TENT4A: variants seen among roughly 807,000 people sequenced by gnomAD.
The protein encoded by TENT4A is terminal nucleotidyltransferase 4A, also known as DNA polymerase kappa.
In TENT4A, 7 loss-of-function variants were observed where a neutral mutation model predicts 72.8. The observed-to-expected ratio is 0.10, with a 90% confidence interval of 0.05 to 0.18. The LOEUF (loss-of-function observed/expected upper bound fraction) is 0.18, where lower values mean the gene tolerates loss of function less well. TENT4A is among the 10% of genes least tolerant of loss of function. The pLI, the probability that TENT4A is intolerant of heterozygous loss-of-function variation, is 1.00. For missense variants in TENT4A, 831 were observed against 1,017.7 expected, an observed-to-expected ratio of 0.82 and a Z score of 2.50; for synonymous variants, 456 against 434.3, an observed-to-expected ratio of 1.05 and a Z score of -0.62.
chr5:6,726,434 G>GC (rs1259193770), intron 1 of TENT4A, among the ~76,000 whole-genome samples: 1 of 152,102 alleles, frequency 6.6e-6, no homozygotes, highest in African/African-American at 2.4e-5. Context: ...TTGAGGCGAC[G>GC]CCCCCTGCGT....
rs547138252 is a variant in TENT4A, at chr5:6,717,705, C to G, written c.716+3006C>G. Among the ~76,000 whole-genome samples the G allele has an allele frequency of 6.6e-5, 10 of 152,306 alleles. No homozygotes were observed. The East Asian group carries it at 1.9e-3, about 29-fold the overall frequency. On this transcript the variant is annotated intron_variant, in intron 1 of 12. Transcript: ENST00000230859. ...GCTTAGCGTGAGCTGTGCTATCTACCTGGGCTTCTGACCTAGAGATGTTGG... is the reference window on the plus strand; with the variant it reads ...GCTTAGCGTGAGCTGTGCTATCTACGTGGGCTTCTGACCTAGAGATGTTGG...
intron 1 of TENT4A, among the ~76,000 whole-genome samples, chr5:6,721,653 C>G (rs1195312585): frequency 2.0e-5 from 3 of 152,178 alleles, no homozygotes; most frequent in African/African-American, 4.8e-5. Context: ...TGGGCCACAT[C>G]TGGGCCCGGG....
chr5:6,747,162 G>C (rs964638211), intron 7 of TENT4A, among the ~76,000 whole-genome samples: 1 of 152,202 alleles, frequency 6.6e-6, no homozygotes, highest in African/African-American at 2.4e-5. Context: ...GCGTCTGTTA[G>C]GTGAGATACC....
intron 1 of TENT4A, among the ~76,000 whole-genome samples, chr5:6,725,627 C>T (rs1343135151): frequency 1.3e-5 from 2 of 152,186 alleles, no homozygotes; most frequent in African/African-American, 2.4e-5. Flanking sequence ...TCTAAGAGTG[C>T]TTCGTGCTAA....
chr5:6,726,157 C>T (rs1740909032), intron 1 of TENT4A, among the ~76,000 whole-genome samples: 2 of 152,180 alleles, frequency 1.3e-5, no homozygotes, highest in Non-Finnish European at 2.9e-5. Context: ...GAGGGCCAGG[C>T]CCTGTGCTAA....
rs373115695 is a variant in TENT4A at position 6,750,500 on chromosome 5, C to A, written c.1857C>A (p.Asp619Glu). 1.3e-6 allele frequency: 2 copies of A among 1,590,512 alleles called. No individual in the cohort carries two copies. The highest frequency in any genetic ancestry group is 3.6e-5 in the Admixed American group (2 of 55,920). Residue 619 changes from aspartate to glutamate, a missense_variant, in exon 10 of 13, where the codon GAC (aspartate) becomes GAA (glutamate). Around this residue, in one of 3 missense-constraint regions of TENT4A, gnomAD observed 332 missense variants for 324.3 expected, o/e 1.02. Coordinates refer to ENST00000230859, the MANE Select transcript of TENT4A (RefSeq NM_006999.6). Reference sequence around the variant, plus strand: ...CTGTGTCTTCACTTTCTGGGAGTGACGTTGTAAGTGCCCTCCCCTCCTCCG... The same window carrying A: ...CTGTGTCTTCACTTTCTGGGAGTGAAGTTGTAAGTGCCCTCCCCTCCTCCG... Reference protein sequence around the residue: ...ASSVSSLSGSDVDSDTPPCTT... With the variant: ...ASSVSSLSGSEVDSDTPPCTT...
chr5:6,719,923 G>A (rs1228301688), intron 1 of TENT4A, among the ~76,000 whole-genome samples: 1 of 152,180 alleles, frequency 6.6e-6, no homozygotes, highest in Non-Finnish European at 1.5e-5. Context: ...GCTTTTGCAA[G>A]GCTGAAGTCA....
At chr5:6,742,190 G>A (rs981349371) in intron 4 of TENT4A, among the ~76,000 whole-genome samples, 6 of 152,196 alleles carry the variant, frequency 3.9e-5, no homozygotes, top group Non-Finnish European at 5.9e-5. Context: ...TAGGGTGGGC[G>A]TGGCAGAGAC....
At chr5:6,728,395 A>C (rs1311382470) in intron 1 of TENT4A, among the ~76,000 whole-genome samples, 1 of 152,218 alleles carries the variant, frequency 6.6e-6, no homozygotes, top group Non-Finnish European at 1.5e-5. Flanking sequence ...AGCTGGCATG[A>C]TGGAGAGAGC....
intron 1 of TENT4A, among the ~76,000 whole-genome samples, chr5:6,722,547 G>GTTTTTTTTTTTTTTTTT (rs55840324): frequency 1.6e-5 from 2 of 123,268 alleles, no homozygotes; most frequent in Non-Finnish European, 1.6e-5. Flanking sequence ...GCATTTGTTA[G>GTTTTTTTTTTTTTTTTT]TTTTTTTTTT....
rs116656921 is a variant in TENT4A at position 6,721,664 on chromosome 5, C to T, written c.716+6965C>T. Among the ~76,000 whole-genome samples the T allele has an allele frequency of 1.0e-2, 1,520 of 152,158 alleles. 24 individuals are homozygous for T. The highest frequency in any genetic ancestry group is 0.034 in the African/African-American group (1,426 of 41,478). On this transcript the variant is annotated intron_variant, in intron 1 of 12. Coordinates refer to ENST00000230859, the MANE Select transcript of TENT4A (RefSeq NM_006999.6). ...GGGGTGGGCCACATCTGGGCCCGGG[C>T]GGGGTGGATCTCTGCAGAAGTTTAT... is the stretch of plus-strand genomic sequence containing the variant.
Position 6,750,511 on chromosome 5 carries a change from C to A in TENT4A, c.1860+8C>A. 1.9e-6 allele frequency: 3 copies of A among 1,578,150 alleles called. No individual in the cohort carries two copies. The highest frequency in any genetic ancestry group is 2.3e-5 in the South Asian group (2 of 86,960). On this transcript the variant is annotated splice_region_variant and intron_variant, in intron 10 of 12. Transcript: ENST00000230859. The stretch of plus-strand genomic sequence containing the variant: ...CTTTCTGGGAGTGACGTTGTAAGTG[C>A]CCTCCCCTCCTCCGTGTGTCTGTTG...
At chr5:6,719,993 G>C (rs1205133617) in intron 1 of TENT4A, among the ~76,000 whole-genome samples, 1 of 152,162 alleles carries the variant, frequency 6.6e-6, no homozygotes, top group Admixed American at 6.5e-5. Flanking sequence ...GCACATTCCT[G>C]TTATTGTCAG....
rs1380302893 is a variant in TENT4A, at chr5:6,756,548, G to C, written c.*1603G>C. On this transcript the variant is annotated 3_prime_UTR_variant, in exon 13 of 13. Transcript: ENST00000230859. ...TCTGCGGTCTGCCCTTTTGAAGCAG[G>C]ACTGGCTCACTCTGTCATTGGGAGC... 6.6e-6 allele frequency: 1 copy of C among 152,402 alleles called. No homozygotes were observed. The highest frequency in any genetic ancestry group is 1.5e-5 in the Non-Finnish European group (1 of 68,054). 9.4% of individuals were successfully genotyped at this position (152,402 alleles called of 1,614,324 possible). A position where few individuals can be genotyped will look rare whatever the true frequency, so the allele number is the denominator to read the frequency against.
At chr5:6,727,606 C>T (rs903637249) in intron 1 of TENT4A, among the ~76,000 whole-genome samples, 3 of 152,210 alleles carry the variant, frequency 2.0e-5, no homozygotes, top group Non-Finnish European at 4.4e-5. Context: ...GTCCCCTTGT[C>T]TTTCCGTAAC....
At chr5:6,752,849 G>A in intron 11 of TENT4A, 24 bp from the exon 12 acceptor site, 2 of 1,604,206 alleles carry the variant, frequency 1.2e-6, no homozygotes, top group Non-Finnish European at 1.7e-6. Context: ...TGGTACCCAT[G>A]GCCGTCTCTC....
In TENT4A at chr5:6,714,660, C is replaced by A. The variant is rs1470569126; in HGVS notation, c.677C>A (p.Thr226Asn). The A allele has an allele frequency of 7.5e-6, 9 of 1,198,658 alleles. No homozygotes were observed. Among genetic ancestry groups the A allele is most frequent in the Non-Finnish European group, 9.3e-6 (9 of 966,636 alleles). The allele number at this position is 1,198,658 out of a possible 1,614,324, so 74.3% of individuals were successfully genotyped here. A position where few individuals can be genotyped will look rare whatever the true frequency, so the allele number is the denominator to read the frequency against. The stretch of plus-strand genomic sequence containing the variant: ...GGGGCCCAGGCGCCGCGGCCCGGCA[C>A]CCCGTGGAAGAGCCGCGCGTACAGC... ...GPGAQAPRPGTPWKSRAYSPG... is the reference protein window; with the variant it reads ...GPGAQAPRPGNPWKSRAYSPG... Residue 226 changes from threonine to asparagine, a missense_variant, in exon 1 of 13, where the codon ACC (threonine) becomes AAC (asparagine). Thr to Asn is a moderately conservative substitution (Grantham distance 65, BLOSUM62 0). Around this residue, in one of 3 missense-constraint regions of TENT4A, gnomAD observed 302 missense variants for 293.8 expected, o/e 1.03. Transcript: ENST00000230859.
chr5:6,722,787 T>G (rs181309253), intron 1 of TENT4A, among the ~76,000 whole-genome samples: 1 of 152,160 alleles, frequency 6.6e-6, no homozygotes, highest in African/African-American at 2.4e-5. Flanking sequence ...TAGTGTTCTG[T>G]GTATAGTGAA....
chr5:6,748,431 T>G lies in TENT4A; in HGVS notation c.1460-33T>G, dbSNP rs535454106. The G allele has an allele frequency of 2.5e-6, 4 of 1,611,178 alleles. No individual in the cohort carries two copies. The South Asian group carries it at 4.4e-5, about 18-fold the overall frequency. Reference sequence around the variant, plus strand: ...AAACATGTGGACGATGGTGTGCATGTGGGGAGGGTCTGACATAGCCTTTTT... The same window carrying G: ...AAACATGTGGACGATGGTGTGCATGGGGGGAGGGTCTGACATAGCCTTTTT... On this transcript the variant is annotated intron_variant, in intron 7 of 12. Coordinates refer to ENST00000230859, the MANE Select transcript of TENT4A (RefSeq NM_006999.6).
Sources: gnomAD v4.1 joint callset for allele counts (sites outside exome capture counted in the v4.1 genomes callset) on GRCh38, gnomAD v4.1.1 for gene constraint, gnomAD v4.1.1 regional missense constraint, MANE v1.5 for transcripts, NCBI Gene and HGNC (gene_info 2026-07-23, HGNC 2026-07-21) for gene names.